Variants in TLE2 observed in about 807,000 individuals in gnomAD.
TLE2 encodes the protein TLE family member 2, transcriptional corepressor.
In TLE2, 74 loss-of-function variants were observed where a neutral mutation model predicts 97.2. The ratio of observed to expected loss-of-function variants is 0.76; its 90% CI spans 0.63 to 0.92. The LOEUF (loss-of-function observed/expected upper bound fraction) is 0.92, where lower values mean the gene tolerates loss of function less well. Ranked by LOEUF, TLE2 falls within the 40% of genes least tolerant of loss-of-function variation. TLE2 has a pLI of 0.00. For missense variants in TLE2, 1,038 were observed against 1,008.7 expected (o/e 1.03, Z -0.39); for synonymous variants, 499 against 432.1 (o/e 1.15, Z -1.92).
At chr19:3,018,741 AG>A (rs1448746176) in intron 7 of TLE2, among the ~76,000 whole-genome samples, 1 of 151,882 alleles carries the variant, frequency 6.6e-6, no homozygotes, top group East Asian at 1.9e-4. Flanking sequence ...CAGCCTCCCG[AG>A]TAGCTGAGAT....
chr19:3,017,778 G>A (rs1408596081), intron 8 of TLE2, 62 bp downstream of exon 8: 16 of 1,539,520 alleles, frequency 1.0e-5, no homozygotes, highest in Non-Finnish European at 1.4e-5. Flanking sequence ...GCCCCCATCA[G>A]CTCAGAACCA....
intron 19 of TLE2, 117 bp from the exon 20 acceptor site, chr19:2,998,072 A>G (rs998943043): frequency 2.4e-5 from 16 of 673,528 alleles, no homozygotes; most frequent in Non-Finnish European, 3.9e-5. Context: ...CTACAGAGTG[A>G]CGTGTTTCTT....
At position 3,035,801 on chromosome 19, in the gene TLE2, C is replaced by A. The variant is rs555544941; in HGVS notation, c.64-6998G>T. Among the ~76,000 whole-genome samples the A allele has an allele frequency of 6.6e-5, 10 of 152,300 alleles. No individual in the cohort carries two copies. The South Asian group carries it at 1.7e-3, about 25-fold the overall frequency. On this transcript the variant is annotated intron_variant, in intron 1 of 18. Coordinates refer to the TLE2 transcript ENST00000426948. ...CCAATCGGAAGGCAGCTCGGCGCTCCCGGCGGGGTTTGGCGAGTGTGGCCC... is the reference window on the plus strand; with the variant it reads ...CCAATCGGAAGGCAGCTCGGCGCTCACGGCGGGGTTTGGCGAGTGTGGCCC...
In TLE2 at chr19:3,028,881, C is replaced by CG. The variant is rs1568251604; in HGVS notation, c.23dup (p.Thr9AspfsTer39). On this transcript the variant is annotated frameshift_variant and splice_region_variant, in exon 1 of 20. Transcript: ENST00000262953. LOFTEE classifies it high-confidence loss of function. Reference sequence around the variant, plus strand: ...CCCCCTCCCCGCAGTCCGCACTCACCGGGTGCCTTCCCTGGGGGTACATCC... The same window carrying CG: ...CCCCCTCCCCGCAGTCCGCACTCACCGGGGTGCCTTCCCTGGGGGTACATCC... The CG allele has an allele frequency of 6.2e-7, 1 of 1,611,200 alleles. No homozygotes were observed. Among genetic ancestry groups the CG allele is most frequent in the Non-Finnish European group, 8.5e-7 (1 of 1,179,724 alleles).
chr19:3,003,142 C>T (rs77352760), intron 17 of TLE2, among the ~76,000 whole-genome samples: 22,844 of 152,150 alleles, frequency 0.15, 1,924 homozygotes, highest in East Asian at 0.25. Flanking sequence ...CATGTCGAAT[C>T]ATTAATATTA....
chr19:3,020,542 GC>G lies in TLE2; in HGVS notation c.295-770del. On this transcript the variant is annotated intron_variant, in intron 5 of 19. Transcript: ENST00000262953. ...ACTCCAGGGGCCCCCTACACTCCCT[GC>G]CATCAGAACACCCTCCCTCCTCCAC... is the stretch of plus-strand genomic sequence containing the variant. 2.0e-5 allele frequency: 3 copies of G among 152,136 alleles called. No homozygotes were observed. In the East Asian group the frequency reaches 5.8e-4, roughly 29 times the overall value. The allele number at this position is 152,136 out of a possible 1,614,324, so 9.4% of individuals were successfully genotyped here.
intron 5 of TLE2, among the ~76,000 whole-genome samples, chr19:3,024,779 C>T (rs3816055): frequency 1.3e-5 from 2 of 152,234 alleles, no homozygotes; most frequent in African/African-American, 2.4e-5. Flanking sequence ...TGCTTCCCAT[C>T]AAGGGGGAAA....
At chr19:3,042,605 G>A (rs1311235570) in intron 1 of TLE2, among the ~76,000 whole-genome samples, 2 of 150,888 alleles carry the variant, frequency 1.3e-5, no homozygotes, top group Non-Finnish European at 3.0e-5. Flanking sequence ...AGAGGGAGAC[G>A]AGACCATCAG....
Position 3,005,547 on chromosome 19 carries a change from C to G in TLE2, c.1786G>C (p.Asp596His). Residue 596 changes from aspartate (D) to histidine (H), a missense_variant, in exon 17 of 20, where the codon GAT (aspartate) becomes CAT (histidine). Physicochemically the swap from Asp to His is moderately conservative, Grantham distance 81. Transcript: ENST00000262953. ...QGHTDGASCI[D>H]ISDYGTRLWT... Reference sequence around the variant, plus strand: ...AGCCGAGTGCCGTAATCGGAAATATCAATGCAGCTGGCGCCGTCCGTGTGG... The same window carrying G: ...AGCCGAGTGCCGTAATCGGAAATATGAATGCAGCTGGCGCCGTCCGTGTGG... The G allele has an allele frequency of 6.2e-7, 1 of 1,613,574 alleles. No homozygotes were observed.
At chr19:3,040,179 G>A (rs2090089775) in intron 1 of TLE2, among the ~76,000 whole-genome samples, 2 of 151,960 alleles carry the variant, frequency 1.3e-5, no homozygotes, top group South Asian at 4.2e-4. Flanking sequence ...ACCCTCCTAG[G>A]ATCGCCATGG....
chr19:2,998,255 G>A (rs1262325189), intron 19 of TLE2, among the ~76,000 whole-genome samples: 4 of 123,594 alleles, frequency 3.2e-5, no homozygotes, highest in Non-Finnish European at 6.6e-5. Flanking sequence ...GTGTGTGTGT[G>A]TGTGTGTGTG....
chr19:3,017,456 T>C (rs1276661421), intron 8 of TLE2, among the ~76,000 whole-genome samples: 12 of 148,104 alleles, frequency 8.1e-5, no homozygotes, highest in African/African-American at 1.7e-4. Flanking sequence ...TTCTTTCTTT[T>C]TTTTTTTTTT....
At chr19:3,029,909 C>G (rs974995722), upstream of TLE2, among the ~76,000 whole-genome samples, 1 of 152,038 alleles carries the variant, frequency 6.6e-6, no homozygotes, top group Non-Finnish European at 1.5e-5. Flanking sequence ...CGATCCTTCC[C>G]CCTCAGCTTC....
At chr19:3,034,527 C>T (rs1423432411) in intron 1 of TLE2, among the ~76,000 whole-genome samples, 2 of 151,556 alleles carry the variant, frequency 1.3e-5, no homozygotes, top group Non-Finnish European at 2.9e-5. Flanking sequence ...ACCTCTGAGC[C>T]TTTCCCTGCT....
At position 3,006,529 on chromosome 19, in the gene TLE2, G is replaced by A. The variant is rs1407284740; in HGVS notation, c.1391C>T (p.Thr464Ile). ...LAHGEVVCAV[T>I]ISGSTQHVYT... ...CACATGCTGTGTGGAGCCGCTGATG[G>A]TGACCGCGCAGACCACCTCGCCATG... The change falls in exon 15 of 20, where the codon ACC becomes ATC. Residue 464 changes from threonine to isoleucine, a missense_variant. Thr to Ile is a moderately conservative substitution (Grantham distance 89). Transcript: ENST00000262953. 6.2e-7 allele frequency: 1 copy of A among 1,607,532 alleles called. No individual in the cohort carries two copies. Among genetic ancestry groups the A allele is most frequent in the Non-Finnish European group, 8.5e-7 (1 of 1,177,904 alleles).
chr19:3,034,163 C>T (rs1174064217), upstream of TLE2, among the ~76,000 whole-genome samples: 1 of 152,016 alleles, frequency 6.6e-6, no homozygotes, highest in African/African-American at 2.4e-5. Flanking sequence ...CAGAGCATCA[C>T]CCTAGCCCTC....
chr19:3,023,668 G>A (rs1225587576), intron 5 of TLE2, among the ~76,000 whole-genome samples: 3 of 152,012 alleles, frequency 2.0e-5, no homozygotes, highest in Non-Finnish European at 4.4e-5. Flanking sequence ...TGACACGGGC[G>A]GATTGCTTGA....
At position 3,015,765 on chromosome 19, in the gene TLE2, GGA is replaced by G. The variant is rs748140552; in HGVS notation, c.571-7_571-6del. On this transcript the variant is annotated splice_polypyrimidine_tract_variant and splice_region_variant and intron_variant, in intron 8 of 19. Transcript: ENST00000262953. ...AGGGGGCGAGGGAGATGCACTCTGC[GGA>G]GAGACAAAGGCCGGGGGGAGAAAGG... is the stretch of plus-strand genomic sequence containing the variant. The G allele has an allele frequency of 1.9e-6, 3 of 1,600,554 alleles. No individual in the cohort carries two copies. Among genetic ancestry groups the G allele is most frequent in the Admixed American group, 3.4e-5 (2 of 58,394 alleles).
chr19:3,019,047 C>T lies in TLE2; in HGVS notation c.550+236G>A, dbSNP rs1012209740. Among the ~76,000 whole-genome samples, 6 of 151,884 alleles carry T rather than the reference C, an allele frequency of 4.0e-5. No individual in the cohort carries two copies. The highest frequency in any genetic ancestry group is 1.2e-4 in the African/African-American group (5 of 41,342). ...CTAAGTACCTGGGAATACAGGTGTGCACCATCCCACCCAGCAAATTTTTAA... is the reference window on the plus strand; with the variant it reads ...CTAAGTACCTGGGAATACAGGTGTGTACCATCCCACCCAGCAAATTTTTAA... On this transcript the variant is annotated intron_variant, in intron 7 of 19. Coordinates refer to ENST00000262953, the MANE Select transcript of TLE2 (RefSeq NM_003260.5). This position sits in a 1 kb window ranked among gnomAD's most constrained non-coding sequence, Gnocchi z 5.1.
Sources: gnomAD v4.1 joint callset for allele counts (sites outside exome capture counted in the v4.1 genomes callset) on GRCh38, gnomAD v4.1.1 for gene constraint, Gnocchi (gnomAD v3.1) non-coding constraint, MANE v1.5 for transcripts, NCBI Gene and HGNC (gene_info 2026-07-23, HGNC 2026-07-21) for gene names.